PCDHA1: variants seen among roughly 807,000 people sequenced by gnomAD.
The protein encoded by PCDHA1 is protocadherin alpha 1, also known as protocadherin alpha-1.
Under a neutral mutation model 61.3 loss-of-function variants are expected in PCDHA1, and 42 were observed. That is an observed-to-expected ratio of 0.69 (90% CI 0.54 to 0.89). The LOEUF is 0.89. PCDHA1 is among the 40% of genes least tolerant of loss of function. PCDHA1 has a pLI of 0.00. For missense variants in PCDHA1, 1,256 were observed against 1,235.3 expected (o/e 1.02, Z -0.25); for synonymous variants, 610 against 553.8 (o/e 1.10, Z -1.43).
intron 1 of PCDHA1, chr5:140,801,342 G>A (rs782257139): frequency 1.9e-6 from 3 of 1,613,280 alleles, no homozygotes; most frequent in Admixed American, 1.7e-5. Context: ...GGGCCGCATC[G>A]CGCAGGACCT....
chr5:140,981,881 C>G (rs138571007), intron 2 of PCDHA1, among the ~76,000 whole-genome samples: 1 of 152,158 alleles, frequency 6.6e-6, no homozygotes, highest in Non-Finnish European at 1.5e-5. Context: ...CTGAATTAAT[C>G]TCTTCTGAGC....
chr5:140,829,861 G>A (rs200510937), intron 1 of PCDHA1: 1 of 1,613,956 alleles, frequency 6.2e-7, no homozygotes, highest in East Asian at 2.2e-5. Flanking sequence ...CAGGCCAAGT[G>A]GTGGCGAAGG....
chr5:140,868,901 C>T lies in PCDHA1; in HGVS notation c.2394+80217C>T, dbSNP rs1408967625. 6 of 828,816 alleles carry T rather than the reference C, an allele frequency of 7.2e-6. No homozygotes were observed. In the African/African-American group the frequency reaches 1.0e-4, roughly 14 times the overall value. The allele number at this position is 828,816 out of a possible 1,614,324, so 51.3% of individuals were successfully genotyped here. ...TCACAGTTTTAGGCGCAAGGTGTCG[C>T]TCTTTACTTGGTGGAAAGTTCATTT... On this transcript the variant is annotated intron_variant, in intron 1 of 3. Transcript: ENST00000504120.
At chr5:140,856,978 G>A in intron 1 of PCDHA1, 2 of 1,594,578 alleles carry the variant, frequency 1.3e-6, no homozygotes, top group Non-Finnish European at 1.7e-6. Context: ...TTGACTTTGA[G>A]GACAGTAACA....
chr5:140,994,189 G>T (rs992894961), intron 3 of PCDHA1, among the ~76,000 whole-genome samples: 2 of 152,176 alleles, frequency 1.3e-5, no homozygotes, highest in Admixed American at 6.5e-5. Context: ...AACCACCAGG[G>T]CCTGTTGGTC....
At chr5:140,876,565 G>T (rs371696514) in intron 1 of PCDHA1, 1 of 1,614,182 alleles carries the variant, frequency 6.2e-7, no homozygotes, top group Non-Finnish European at 8.5e-7. Context: ...GGATGCTCAG[G>T]TGGGTACCGT....
intron 1 of PCDHA1, among the ~76,000 whole-genome samples, chr5:140,971,892 G>C (rs2096504766): frequency 6.6e-6 from 1 of 151,694 alleles, no homozygotes; most frequent in African/African-American, 2.4e-5. Context: ...AGCTCAGGGA[G>C]GTTAGGTAAT....
intron 1 of PCDHA1, among the ~76,000 whole-genome samples, chr5:140,890,624 T>C (rs1487627842): frequency 6.6e-6 from 1 of 152,202 alleles, no homozygotes; most frequent in Non-Finnish European, 1.5e-5. Context: ...CCTAGAAAAT[T>C]AAGCATGTAT....
intron 1 of PCDHA1, chr5:140,878,053 C>T (rs2057454277): frequency 2.2e-6 from 1 of 456,148 alleles, no homozygotes; most frequent in Non-Finnish European, 3.5e-6. Flanking sequence ...TGGAGCACCA[C>T]ACTTAATATT....
chr5:140,871,522 A>G (rs1554165699), intron 1 of PCDHA1: 1 of 1,549,186 alleles, frequency 6.5e-7, no homozygotes, highest in Non-Finnish European at 8.7e-7. Context: ...TCCACCTATC[A>G]GGAAGTGTAT....
chr5:140,927,093 G>T (rs781998184), intron 1 of PCDHA1: 1 of 1,612,818 alleles, frequency 6.2e-7, no homozygotes, highest in Non-Finnish European at 8.5e-7. Flanking sequence ...TCTACTTCGG[G>T]GTGGATCTAC....
At chr5:140,872,418 A>G (rs2053650259) in intron 1 of PCDHA1, among the ~76,000 whole-genome samples, 2 of 152,014 alleles carry the variant, frequency 1.3e-5, no homozygotes, top group East Asian at 3.9e-4. Flanking sequence ...CTTGAGCCCA[A>G]GAGTTCGAGG....
chr5:140,809,498 G>A (rs1764483648), intron 1 of PCDHA1: 11 of 1,614,236 alleles, frequency 6.8e-6, no homozygotes, highest in Non-Finnish European at 8.5e-6. Context: ...CGACCTCATG[G>A]CCTTCAGCCC....
intron 1 of PCDHA1, chr5:140,858,271 C>A: frequency 6.3e-7 from 1 of 1,597,124 alleles, no homozygotes. Flanking sequence ...TGTGCTCTAG[C>A]GCGGTGGGGA....
intron 1 of PCDHA1, chr5:140,834,581 G>C: frequency 1.2e-6 from 2 of 1,614,124 alleles, no homozygotes; most frequent in East Asian, 4.5e-5. Flanking sequence ...TGTTCCGGGC[G>C]GTGTGCAAAT....
At chr5:140,824,610 G>GT (rs2150135229) in intron 1 of PCDHA1, 42,955 of 94,730 alleles carry the variant, frequency 0.45, 12,425 homozygotes, top group South Asian at 0.52. Flanking sequence ...GCTAATTAAA[G>GT]TTTTTTTTTT....
At chr5:140,822,740 T>C (rs2150119002) in intron 1 of PCDHA1, 2 of 1,613,644 alleles carry the variant, frequency 1.2e-6, no homozygotes, top group Non-Finnish European at 1.7e-6. Flanking sequence ...ATTGATGCCA[T>C]GGATAAAAGT....
intron 1 of PCDHA1, chr5:140,855,953 T>TA (rs2043692800): frequency 2.2e-6 from 3 of 1,381,096 alleles, no homozygotes; most frequent in Admixed American, 4.7e-5. Flanking sequence ...GCCATTTCGA[T>TA]AAAAAATAGA....
chr5:140,915,312 C>T (rs781796761), intron 1 of PCDHA1, among the ~76,000 whole-genome samples: 2 of 152,122 alleles, frequency 1.3e-5, no homozygotes, highest in Non-Finnish European at 2.9e-5. Flanking sequence ...TTACATACCA[C>T]AATTACAGTG....
Sources: gnomAD v4.1 joint callset for allele counts (sites outside exome capture counted in the v4.1 genomes callset) on GRCh38, gnomAD v4.1.1 for gene constraint, MANE v1.5 for transcripts, NCBI Gene and HGNC (gene_info 2026-07-23, HGNC 2026-07-21) for gene names.